The following TRAPPC9 variants were observed in gnomAD, a reference collection of about 807,000 sequenced individuals.
TRAPPC9 encodes IKK2 binding protein.
In TRAPPC9, 83 loss-of-function variants were observed where a neutral mutation model predicts 124.0. That is an observed-to-expected ratio of 0.67 (90% confidence interval 0.56 to 0.80). The LOEUF (loss-of-function observed/expected upper bound fraction) is 0.80. Ranked by LOEUF, TRAPPC9 falls within the 30% of genes least tolerant of loss-of-function variation. The probability of loss-of-function intolerance (pLI) is 0.00; values close to 1 mark genes in which losing one functional copy is unlikely to be tolerated. For synonymous variants in TRAPPC9, 638 were observed against 617.5 expected (o/e 1.03, Z -0.49); for missense variants, 1,302 against 1,508.3 (o/e 0.86, Z 2.27).
At chr8:140,364,540 G>A (rs2068053465) in intron 8 of TRAPPC9, among the ~76,000 whole-genome samples, 1 of 152,004 alleles carries the variant, frequency 6.6e-6, no homozygotes, top group South Asian at 2.1e-4. Context: ...ACTCTCCCGT[G>A]CTAAGACTCT....
chr8:139,821,950 T>C (rs1388351332), intron 21 of TRAPPC9, among the ~76,000 whole-genome samples: 2 of 152,218 alleles, frequency 1.3e-5, no homozygotes, highest in African/African-American at 2.4e-5. Flanking sequence ...AATTGTTCCT[T>C]ACTCTGAGAA....
chr8:140,184,060 G>A lies in TRAPPC9; in HGVS notation c.2556+37399C>T, dbSNP rs149267977. 4.4e-3 allele frequency among the ~76,000 whole-genome samples: 665 copies of A among 151,922 alleles called. 4 individuals carry two copies. The highest frequency in any genetic ancestry group is 0.023 in the South Asian group (111 of 4,798). On this transcript the variant is annotated intron_variant, in intron 17 of 22. Coordinates refer to ENST00000438773, the MANE Select transcript of TRAPPC9 (RefSeq NM_001160372.4). ...CCTTCTCTACCCTGTGACCGGGCCT[G>A]GAGAACTGACTGCCAATGTCAGCAG...
At chr8:140,243,338 A>G (rs552151093) in intron 16 of TRAPPC9, among the ~76,000 whole-genome samples, 1 of 152,326 alleles carries the variant, frequency 6.6e-6, no homozygotes, top group South Asian at 2.1e-4. Flanking sequence ...ATCCCAGAGG[A>G]AAGAGGGGAA....
chr8:139,978,020 A>G (rs1836602986), intron 19 of TRAPPC9, among the ~76,000 whole-genome samples: 1 of 151,966 alleles, frequency 6.6e-6, no homozygotes, highest in African/African-American at 2.4e-5. Context: ...AAAGAGAAAG[A>G]AGACCGAAAA....
intron 21 of TRAPPC9, among the ~76,000 whole-genome samples, chr8:139,811,075 A>C (rs142226191): frequency 1.2e-3 from 187 of 152,368 alleles, no homozygotes; most frequent in Non-Finnish European, 2.2e-3. Flanking sequence ...AATTCACAGA[A>C]CAAAGAAACC....
chr8:140,265,722 G>C (rs934849976), intron 15 of TRAPPC9, among the ~76,000 whole-genome samples: 7 of 152,174 alleles, frequency 4.6e-5, no homozygotes, highest in African/African-American at 1.7e-4. Context: ...CTAGCATTTA[G>C]GTAAGGGCTA....
At chr8:140,365,477 A>G (rs1291623236) in intron 8 of TRAPPC9, among the ~76,000 whole-genome samples, 1 of 152,230 alleles carries the variant, frequency 6.6e-6, no homozygotes, top group Non-Finnish European at 1.5e-5. Flanking sequence ...CGTGGATTAG[A>G]AAGAGATGCC....
intron 7 of TRAPPC9, among the ~76,000 whole-genome samples, chr8:140,381,571 G>A (rs1319528602): frequency 4.0e-5 from 6 of 150,330 alleles, no homozygotes; most frequent in African/African-American, 1.2e-4. Context: ...AGGAGGCTGA[G>A]GCAGGAGAAT....
At position 139,772,928 on chromosome 8, in the gene TRAPPC9, C is replaced by T. The variant is rs147411265; in HGVS notation, c.3056-40726G>A. ...AGGCCTCAGAAGAAACCAATGCTGCCGACATTTGCAAAGTGAATGCAAAGT... is the reference window on the plus strand; with the variant it reads ...AGGCCTCAGAAGAAACCAATGCTGCTGACATTTGCAAAGTGAATGCAAAGT... On this transcript the variant is annotated intron_variant, in intron 21 of 22. Coordinates refer to ENST00000438773, the MANE Select transcript of TRAPPC9 (RefSeq NM_001160372.4). Among the ~76,000 whole-genome samples, 1,347 of 152,356 alleles carry T rather than the reference C, an allele frequency of 8.8e-3. 22 individuals are homozygous for T. The highest frequency in any genetic ancestry group is 0.03 in the African/African-American group (1,260 of 41,588).
intron 15 of TRAPPC9, among the ~76,000 whole-genome samples, chr8:140,273,682 T>C (rs1350022990): frequency 6.6e-6 from 1 of 152,188 alleles, no homozygotes; most frequent in Non-Finnish European, 1.5e-5. Flanking sequence ...GCTTTCATTG[T>C]TGGGGTACTT....
intron 20 of TRAPPC9, among the ~76,000 whole-genome samples, chr8:139,896,296 G>A (rs1273987244): frequency 6.6e-6 from 1 of 152,138 alleles, no homozygotes; most frequent in Non-Finnish European, 1.5e-5. Context: ...CGTGGACCCT[G>A]GCATTTGGAG....
At chr8:140,111,518 C>G (rs1013789431) in intron 17 of TRAPPC9, among the ~76,000 whole-genome samples, 1 of 152,218 alleles carries the variant, frequency 6.6e-6, no homozygotes, top group Non-Finnish European at 1.5e-5. Context: ...CTAACAGCAC[C>G]TGGAACGAGG....
At position 140,210,157 on chromosome 8, in the gene TRAPPC9, C is replaced by T. The variant is rs146063516; in HGVS notation, c.2556+11302G>A. Among the ~76,000 whole-genome samples, 251 of 152,388 alleles carry T rather than the reference C, an allele frequency of 1.6e-3. 1 individual carries two copies. Among genetic ancestry groups the T allele is most frequent in the Non-Finnish European group, 2.3e-3 (157 of 68,042 alleles). On this transcript the variant is annotated intron_variant, in intron 17 of 22. Transcript: ENST00000438773. ...GCCTGCCATGCCTGGGCGTGCCAGC[C>T]TAGCAGAGGGGCCGGAACCGTGAAT... is the stretch of plus-strand genomic sequence containing the variant.
chr8:140,273,292 C>G (rs912883788), intron 15 of TRAPPC9, among the ~76,000 whole-genome samples: 2 of 152,208 alleles, frequency 1.3e-5, no homozygotes, highest in Non-Finnish European at 2.9e-5. Context: ...TTTACATTAT[C>G]TTTGCCTCTC....
intron 17 of TRAPPC9, among the ~76,000 whole-genome samples, chr8:140,025,955 T>TA (rs1840122057): frequency 6.6e-6 from 1 of 152,200 alleles, no homozygotes; most frequent in Non-Finnish European, 1.5e-5. Flanking sequence ...TCCCCAGAAC[T>TA]ACTCCATCTT....
chr8:140,269,782 C>A (rs140187582), intron 15 of TRAPPC9, among the ~76,000 whole-genome samples: 1 of 152,134 alleles, frequency 6.6e-6, no homozygotes, highest in Non-Finnish European at 1.5e-5. Flanking sequence ...GAACAAGTTC[C>A]AGATGAAGTC....
At chr8:139,901,865 A>T (rs1239507650) in intron 20 of TRAPPC9, among the ~76,000 whole-genome samples, 3 of 152,180 alleles carry the variant, frequency 2.0e-5, no homozygotes, top group African/African-American at 7.2e-5. Context: ...TCGTTTTCTC[A>T]TCTGTGCAAC....
chr8:140,199,957 A>T (rs912175256), intron 17 of TRAPPC9, among the ~76,000 whole-genome samples: 4 of 152,132 alleles, frequency 2.6e-5, no homozygotes, highest in Admixed American at 6.5e-5. Context: ...TTAAATAAAA[A>T]TTTTTTTAAA....
At chr8:139,797,245 A>T (rs1823163736) in intron 21 of TRAPPC9, among the ~76,000 whole-genome samples, 1 of 152,036 alleles carries the variant, frequency 6.6e-6, no homozygotes, top group African/African-American at 2.4e-5. Flanking sequence ...ACATGTTTTT[A>T]ATTTTGATGA....
Sources: allele counts gnomAD v4.1 joint callset (sites outside exome capture counted in the v4.1 genomes callset), GRCh38; gene constraint gnomAD v4.1.1; transcripts MANE v1.5; gene names NCBI Gene and HGNC (gene_info 2026-07-23, HGNC 2026-07-21).